VOPP1: variants seen among roughly 807,000 people sequenced by gnomAD.
The protein encoded by VOPP1 is VOPP1 WW domain binding protein.
VOPP1 carries 8 observed loss-of-function variants against 23.5 expected under a neutral mutation model. The ratio of observed to expected loss-of-function variants is 0.34; its 90% CI spans 0.20 to 0.61. The LOEUF (loss-of-function observed/expected upper bound fraction) is 0.61. VOPP1 is among the 20% of genes least tolerant of loss of function. VOPP1 has a pLI of 0.78. For missense variants in VOPP1, 174 were observed against 238.1 expected, an observed-to-expected ratio of 0.73 and a Z score of 1.77; for synonymous variants, 83 against 97.3, an observed-to-expected ratio of 0.85 and a Z score of 0.86.
At chr7:55,454,628 T>C (rs1791322384) in intron 4 of VOPP1, among the ~76,000 whole-genome samples, 1 of 152,230 alleles carries the variant, frequency 6.6e-6, no homozygotes, top group Non-Finnish European at 1.5e-5. Context: ...ATCCCTGGGA[T>C]GCAACGCTGG....
chr7:55,506,426 C>G (rs917611187), intron 2 of VOPP1, among the ~76,000 whole-genome samples: 2 of 152,212 alleles, frequency 1.3e-5, no homozygotes, highest in Non-Finnish European at 2.9e-5. Context: ...ACCTCCACCT[C>G]TTGGGTTCAA....
At chr7:55,458,396 TATTCTG>T (rs1212863735) in intron 4 of VOPP1, among the ~76,000 whole-genome samples, 3 of 151,674 alleles carry the variant, frequency 2.0e-5, no homozygotes, top group African/African-American at 2.4e-5. Context: ...TTGCTTTGGC[TATTCTG>T]ATTCTTTTTT....
At chr7:55,552,769 C>G (rs546958417) in intron 1 of VOPP1, 1,255 of 1,527,068 alleles carry the variant, frequency 8.2e-4, no homozygotes, top group Non-Finnish European at 9.8e-4. Context: ...AGAGAGGCAG[C>G]AAGTGGAGCC....
intron 1 of VOPP1, among the ~76,000 whole-genome samples, chr7:55,545,970 G>A (rs1797350179): frequency 6.6e-6 from 1 of 152,178 alleles, no homozygotes; most frequent in African/African-American, 2.4e-5. Context: ...AGGAAGCTGA[G>A]GTGGGAGGAC....
chr7:55,568,524 T>C (rs1168015670), intron 1 of VOPP1, among the ~76,000 whole-genome samples: 1 of 152,216 alleles, frequency 6.6e-6, no homozygotes, highest in Non-Finnish European at 1.5e-5. Flanking sequence ...AAAATAAGTC[T>C]ATCTCCTTGG....
Position 55,543,255 on chromosome 7 carries a change from G to A in VOPP1, c.55-22125C>T, listed in dbSNP as rs189039346. On this transcript the variant is annotated intron_variant, in intron 1 of 4. Transcript: ENST00000285279. ...TATTATGGCTTTATAATATTCCATT[G>A]TGTATATAAAACCACATTTTCCTTA... 3.7e-4 allele frequency among the ~76,000 whole-genome samples: 56 copies of A among 152,224 alleles called. 1 individual carries two copies. The East Asian group carries it at 9.8e-3, about 27-fold the overall frequency.
chr7:55,490,589 T>G (rs544723270), intron 4 of VOPP1, among the ~76,000 whole-genome samples: 6 of 152,200 alleles, frequency 3.9e-5, no homozygotes, highest in Non-Finnish European at 7.4e-5. Flanking sequence ...GGGCCTCCCA[T>G]GCCAAGTGGG....
rs995881308 is a variant in VOPP1, at chr7:55,538,749, C to T, written c.55-17619G>A. The T allele has an allele frequency of 4.5e-5, 55 of 1,235,386 alleles. No homozygotes were observed. In the African/African-American group the frequency reaches 5.8e-4, roughly 13 times the overall value. The allele number at this position is 1,235,386 out of a possible 1,614,324, so 76.5% of individuals were successfully genotyped here. A position where few individuals can be genotyped will look rare whatever the true frequency, so the allele number is the denominator to read the frequency against. On this transcript the variant is annotated intron_variant, in intron 1 of 4. Coordinates refer to ENST00000285279, the MANE Select transcript of VOPP1 (RefSeq NM_030796.5). ...AGTCATGGCCATTCCTATAAAGGAA[C>T]GCTTTCTAAGGGGAATGCTGTGGGT...
chr7:55,556,330 T>A (rs911554697), intron 1 of VOPP1, among the ~76,000 whole-genome samples: 3 of 152,328 alleles, frequency 2.0e-5, no homozygotes, highest in East Asian at 3.9e-4. Flanking sequence ...AGTTCCTTTC[T>A]AAGCCATCCT....
chr7:55,558,238 C>T (rs1231280539), intron 1 of VOPP1, among the ~76,000 whole-genome samples: 1 of 152,004 alleles, frequency 6.6e-6, no homozygotes, highest in East Asian at 1.9e-4. Context: ...AATAACCAGA[C>T]AGCAGGAGGA....
chr7:55,439,275 A>C (rs1372117922), intron 4 of VOPP1, among the ~76,000 whole-genome samples: 2 of 152,070 alleles, frequency 1.3e-5, no homozygotes, highest in Non-Finnish European at 2.9e-5. Flanking sequence ...GTAGGGAGAC[A>C]AGAGTCTGTT....
At chr7:55,533,753 C>T (rs1437400460) in intron 1 of VOPP1, among the ~76,000 whole-genome samples, 1 of 152,336 alleles carries the variant, frequency 6.6e-6, no homozygotes, top group East Asian at 1.9e-4. Context: ...TAAATCCCTA[C>T]CTGGCTTTCC....
At chr7:55,564,983 G>T (rs79114290) in intron 1 of VOPP1, among the ~76,000 whole-genome samples, 1 of 152,254 alleles carries the variant, frequency 6.6e-6, no homozygotes, top group East Asian at 1.9e-4. Context: ...GCAATTGATC[G>T]ATTTCAAACC....
intron 2 of VOPP1, among the ~76,000 whole-genome samples, chr7:55,505,269 C>T (rs1189477468): frequency 6.6e-6 from 1 of 152,096 alleles, no homozygotes; most frequent in Non-Finnish European, 1.5e-5. Flanking sequence ...CAGGGAGAGA[C>T]GAGACTGGGG....
intron 4 of VOPP1, among the ~76,000 whole-genome samples, chr7:55,483,362 A>G (rs1314798157): frequency 6.6e-6 from 1 of 152,162 alleles, no homozygotes; most frequent in African/African-American, 2.4e-5. Flanking sequence ...ATAAGTGTCT[A>G]TGGATCCTGA....
chr7:55,527,945 G>GAA (rs10710791), intron 1 of VOPP1, among the ~76,000 whole-genome samples: 3 of 151,378 alleles, frequency 2.0e-5, no homozygotes, highest in Non-Finnish European at 4.4e-5. Context: ...GAGCATAAGG[G>GAA]AAAAAAAAAA....
At chr7:55,534,863 G>A (rs77211575) in intron 1 of VOPP1, among the ~76,000 whole-genome samples, 1,672 of 152,320 alleles carry the variant, frequency 0.011, 11 homozygotes, top group Middle Eastern at 0.02. Context: ...GCTGTCCCCA[G>A]TGCCTCCTGT....
At chr7:55,480,306 T>C (rs934968516) in intron 4 of VOPP1, among the ~76,000 whole-genome samples, 1 of 152,254 alleles carries the variant, frequency 6.6e-6, no homozygotes, top group African/African-American at 2.4e-5. Flanking sequence ...TCAATGTCTT[T>C]ACGCACTTTG....
At chr7:55,496,900 G>GCA (rs1276946007) in intron 3 of VOPP1, among the ~76,000 whole-genome samples, 3 of 152,250 alleles carry the variant, frequency 2.0e-5, no homozygotes, top group African/African-American at 7.2e-5. Flanking sequence ...GAGAAGAAGA[G>GCA]CAGGTGGGTA....
Sources: gnomAD v4.1 joint callset for allele counts (sites outside exome capture counted in the v4.1 genomes callset) on GRCh38, gnomAD v4.1.1 for gene constraint, MANE v1.5 for transcripts, NCBI Gene and HGNC (gene_info 2026-07-23, HGNC 2026-07-21) for gene names.